PNLDC1: variants seen among roughly 807,000 people sequenced by gnomAD.
The protein encoded by PNLDC1 is poly(A)-specific ribonuclease PNLDC1.
A neutral mutation model predicts 82.0 loss-of-function variants in PNLDC1; 70 were observed. The observed-to-expected ratio is 0.85, with a 90% CI of 0.70 to 1.04. The LOEUF is 1.04. Ranked by LOEUF, PNLDC1 falls within the 50% of genes least tolerant of loss-of-function variation. PNLDC1 has a pLI of 0.00. For synonymous variants in PNLDC1, 280 were observed against 249.3 expected, an observed-to-expected ratio of 1.12 and a Z score of -1.16; for missense variants, 631 against 661.1, an observed-to-expected ratio of 0.95 and a Z score of 0.50.
intron 3 of PNLDC1, among the ~76,000 whole-genome samples, chr6:159,801,775 A>G (rs1277821633): frequency 1.6e-5 from 2 of 121,412 alleles, no homozygotes; most frequent in East Asian, 2.0e-4. Flanking sequence ...GAAAATTTAC[A>G]CACAAAAATA....
rs140010607 is a variant in PNLDC1, at chr6:159,804,189, C to T, written c.372+101C>T. 407 of 1,381,786 alleles carry T rather than the reference C, an allele frequency of 2.9e-4. 2 individuals carry two copies. The African/African-American group carries it at 5.1e-3, about 17-fold the overall frequency. The allele number at this position is 1,381,786 out of a possible 1,614,324, so 85.6% of individuals were successfully genotyped here. ...TGGAGTGCAGTGGTGCAATCTTCGC[C>T]TCCCGGGTTCAAGTGATTTTCCTGC... On this transcript the variant is annotated intron_variant, in intron 5 of 18. Coordinates refer to ENST00000392167, the MANE Select transcript of PNLDC1 (RefSeq NM_001271862.2).
rs1456914996 is a variant in PNLDC1 at position 159,819,037 on chromosome 6, A to G, written c.1349A>G (p.Tyr450Cys). Reference sequence around the variant, plus strand: ...CCTGGGGTCAGCGAGCAGCAAGTCTACCATAAGTTTCAGAATCTCTGCAAG... The same window carrying G: ...CCTGGGGTCAGCGAGCAGCAAGTCTGCCATAAGTTTCAGAATCTCTGCAAG... ...RWPGVSEQQV[Y>C]HKFQNLCKFD... The change falls in exon 17 of 19, where the codon TAC (tyrosine) becomes TGC (cysteine). Residue 450 changes from tyrosine (Y) to cysteine (C), a missense_variant. Physicochemically the swap from Tyr to Cys is radical, Grantham distance 194. Transcript: ENST00000392167. This position sits in a 1 kb window ranked among gnomAD's most constrained non-coding sequence, Gnocchi z 4.6. 1 of 1,613,974 alleles carries G rather than the reference A, an allele frequency of 6.2e-7. No individual in the cohort carries two copies.
chr6:159,814,954 G>C (rs566014984), intron 12 of PNLDC1, among the ~76,000 whole-genome samples: 2 of 152,120 alleles, frequency 1.3e-5, no homozygotes, highest in African/African-American at 4.8e-5. Context: ...GCACACCCAC[G>C]ACGACGACGC....
intron 6 of PNLDC1, among the ~76,000 whole-genome samples, chr6:159,805,236 G>A (rs1781404707): frequency 1.3e-5 from 2 of 152,326 alleles, no homozygotes; most frequent in South Asian, 4.1e-4. Flanking sequence ...ACCACAGCGA[G>A]AGCAACAGCA....
At chr6:159,801,869 A>C (rs1781271248) in intron 3 of PNLDC1, among the ~76,000 whole-genome samples, 1 of 151,286 alleles carries the variant, frequency 6.6e-6, no homozygotes, top group South Asian at 2.1e-4. Flanking sequence ...CGGTTCATAC[A>C]GATCTATTTG....
intron 12 of PNLDC1, among the ~76,000 whole-genome samples, chr6:159,814,086 C>T (rs1332579981): frequency 6.6e-6 from 1 of 152,106 alleles, no homozygotes; most frequent in Non-Finnish European, 1.5e-5. Flanking sequence ...CATTTCCTTC[C>T]ACATCAACAA....
chr6:159,800,574 C>T (rs1400985505), intron 1 of PNLDC1, 191 bp downstream of exon 1: 28 of 1,447,696 alleles, frequency 1.9e-5, no homozygotes, highest in Non-Finnish European at 2.6e-5. Flanking sequence ...GCCCCACGTC[C>T]CTTGTTGGCC....
chr6:159,817,615 T>C (rs1177060020), intron 15 of PNLDC1, among the ~76,000 whole-genome samples: 5 of 152,250 alleles, frequency 3.3e-5, no homozygotes, highest in Non-Finnish European at 7.3e-5. Context: ...CATTGGAATC[T>C]TCAGTGCATT....
At chr6:159,810,367 G>A (rs1781606371) in intron 10 of PNLDC1, among the ~76,000 whole-genome samples, 1 of 152,220 alleles carries the variant, frequency 6.6e-6, no homozygotes, top group Non-Finnish European at 1.5e-5. Context: ...GTTATTGTAT[G>A]AAGCTTGGCA....
chr6:159,800,674 G>T, intron 1 of PNLDC1, 98 bp from the exon 2 acceptor site: 1 of 1,613,816 alleles, frequency 6.2e-7, no homozygotes, highest in Non-Finnish European at 8.5e-7. Flanking sequence ...TGAGCGCAGA[G>T]GTGAGCGCGG....
At chr6:159,803,766 C>T (rs9295111) in intron 4 of PNLDC1, among the ~76,000 whole-genome samples, 199 bp from the exon 5 acceptor site, 35,993 of 151,988 alleles carry the variant, frequency 0.24, 4,397 homozygotes, top group East Asian at 0.4. Context: ...CTGTGGTATA[C>T]GCTGGCCCTG....
At chr6:159,813,733 T>C in intron 12 of PNLDC1, 77 bp downstream of exon 12, 1 of 1,309,262 alleles carries the variant, frequency 7.6e-7, no homozygotes, top group Non-Finnish European at 1.1e-6. Flanking sequence ...CTTTGGGCTC[T>C]CTAGGCGTGC....
Position 159,819,772 on chromosome 6 carries a change from C to T in PNLDC1, c.1532+420C>T, listed in dbSNP as rs1175008914. Among the ~76,000 whole-genome samples, 1 of 152,050 alleles carries T rather than the reference C, an allele frequency of 6.6e-6. No homozygotes were observed. Among genetic ancestry groups the T allele is most frequent in the Non-Finnish European group, 1.5e-5 (1 of 68,012 alleles). ...CTTGGAGTGAGCCAGGCGGAGGGGG[C>T]AGCAGGACGGAGCCTTCCAGTCAGG... On this transcript the variant is annotated intron_variant, in intron 18 of 18. Transcript: ENST00000392167. The surrounding 1 kb of genome is among the most constrained non-coding windows in gnomAD (Gnocchi z 4.6).
rs1781440859 is a variant in PNLDC1 at position 159,806,206 on chromosome 6, G to C, written c.562+123G>C. Reference sequence around the variant, plus strand: ...TCCCAAGTGCCTCATGACTGAGTCTGATGCAAGCATTTGTTTGGCGGTTAC... The same window carrying C: ...TCCCAAGTGCCTCATGACTGAGTCTCATGCAAGCATTTGTTTGGCGGTTAC... On this transcript the variant is annotated intron_variant, in intron 7 of 18. Coordinates refer to ENST00000392167, the MANE Select transcript of PNLDC1 (RefSeq NM_001271862.2). The C allele has an allele frequency of 4.1e-6, 3 of 731,734 alleles. No individual in the cohort carries two copies. In the African/African-American group the frequency reaches 5.2e-5, roughly 13 times the overall value. 45.3% of individuals were successfully genotyped at this position (731,734 alleles called of 1,614,324 possible).
intron 12 of PNLDC1, among the ~76,000 whole-genome samples, chr6:159,814,511 C>T (rs1781751463): frequency 1.3e-5 from 2 of 152,130 alleles, no homozygotes; most frequent in African/African-American, 4.8e-5. Flanking sequence ...TTGATGTTCC[C>T]ACCCTACATG....
intron 11 of PNLDC1, among the ~76,000 whole-genome samples, chr6:159,813,036 AAC>A (rs1053848330): frequency 1.3e-4 from 6 of 46,034 alleles, no homozygotes; most frequent in Non-Finnish European, 2.9e-4. Context: ...GGGGAAAAAA[AAC>A]AACAACTGAA....
chr6:159,802,867 G>C (rs543157659), intron 3 of PNLDC1, among the ~76,000 whole-genome samples: 1 of 152,194 alleles, frequency 6.6e-6, no homozygotes. Flanking sequence ...ACAGGCATAA[G>C]CCACCGCACC....
chr6:159,813,202 G>GCTA lies in PNLDC1; in HGVS notation c.940-395_940-393dup, dbSNP rs1448744123. 2.6e-5 allele frequency among the ~76,000 whole-genome samples: 4 copies of GCTA among 152,172 alleles called. No homozygotes were observed. The East Asian group carries it at 5.8e-4, about 22-fold the overall frequency. ...ATTATTTGTAGTTGGTGTATTTCCA[G>GCTA]CTACTATGAACTTTTAGGATTTAGT... On this transcript the variant is annotated intron_variant, in intron 11 of 18. Transcript: ENST00000392167.
chr6:159,800,731 G>A lies in PNLDC1; in HGVS notation c.77-41G>A, dbSNP rs370996279. Reference sequence around the variant, plus strand: ...CTACAGTGTGAGGAGTGCTGGCGATGTTCTGCACCCGAGGACTGCTATTTT... The same window carrying A: ...CTACAGTGTGAGGAGTGCTGGCGATATTCTGCACCCGAGGACTGCTATTTT... On this transcript the variant is annotated intron_variant, in intron 1 of 18. Transcript: ENST00000392167. The A allele has an allele frequency of 5.3e-5, 85 of 1,614,206 alleles. No individual in the cohort carries two copies. The African/African-American group carries it at 9.9e-4, about 19-fold the overall frequency.
Sources: allele counts gnomAD v4.1 joint callset (sites outside exome capture counted in the v4.1 genomes callset), GRCh38; gene constraint gnomAD v4.1.1; non-coding constraint Gnocchi (gnomAD v3.1); transcripts MANE v1.5; gene names NCBI Gene and HGNC (gene_info 2026-07-23, HGNC 2026-07-21).